The following PLCH1 variants were observed in gnomAD, a reference collection of about 807,000 sequenced individuals.
PLCH1 encodes the protein phospholipase C eta 1.
PLCH1 carries 60 observed loss-of-function variants against 126.7 expected under a neutral mutation model. The observed-to-expected ratio is 0.47, with a 90% CI of 0.38 to 0.59. The LOEUF is 0.59. PLCH1 is among the 20% of genes least tolerant of loss of function. The pLI is 0.00. For missense variants in PLCH1, 1,723 were observed against 2,040.0 expected, an observed-to-expected ratio of 0.84 and a Z score of 2.99; for synonymous variants, 719 against 734.9, an observed-to-expected ratio of 0.98 and a Z score of 0.35.
At chr3:155,678,363 C>A (rs928536431) in intron 2 of PLCH1, among the ~76,000 whole-genome samples, 2 of 152,160 alleles carry the variant, frequency 1.3e-5, no homozygotes, top group Non-Finnish European at 2.9e-5. Flanking sequence ...GAGCACATAG[C>A]AGCTTCATAG....
At chr3:155,472,419 A>C (rs1713310839) in intron 21 of PLCH1, among the ~76,000 whole-genome samples, 1 of 152,214 alleles carries the variant, frequency 6.6e-6, no homozygotes, top group Non-Finnish European at 1.5e-5. Flanking sequence ...CAGGAGCTCA[A>C]ATTGTGGCAA....
rs1816522 is a variant in PLCH1 at position 155,482,774 on chromosome 3, G to T, written c.3252C>A (p.Pro1084=). 0.069 allele frequency: 111,046 copies of T among 1,614,000 alleles called. 4,401 individuals are homozygous for T. Among genetic ancestry groups the T allele is most frequent in the Non-Finnish European group, 0.081 (95,255 of 1,179,976 alleles). The change falls in exon 23 of 23, where the codon CCC becomes CCA. Residue 1084 remains proline (P), a synonymous_variant. Coordinates refer to ENST00000460012, the MANE Select transcript of PLCH1 (RefSeq NM_014996.4). ...CTTGTGTGGGGTTAACTACAGGATC[G>T]GGAGCCAAATGCTGCTTTGGGGAGA... The part of the protein sequence containing the change: ...KSLSPKQHLA[P]DPVVNPTQDL...
chr3:155,671,818 T>A (rs1376628998), intron 2 of PLCH1, among the ~76,000 whole-genome samples: 1 of 152,126 alleles, frequency 6.6e-6, no homozygotes, highest in Non-Finnish European at 1.5e-5. Context: ...TAAGTGGCAG[T>A]GTAAGTGCAT....
At chr3:155,463,115 A>G (rs1712791537) in intron 21 of PLCH1, among the ~76,000 whole-genome samples, 1 of 151,816 alleles carries the variant, frequency 6.6e-6, no homozygotes, top group Non-Finnish European at 1.5e-5. Flanking sequence ...ATCCCTTTGT[A>G]TTTCCTCTCC....
intron 5 of PLCH1, among the ~76,000 whole-genome samples, chr3:155,584,103 G>A (rs764408826): frequency 5.9e-5 from 9 of 151,814 alleles, no homozygotes; most frequent in Admixed American, 2.0e-4. Flanking sequence ...AAAATTAAGC[G>A]AGGAAAATAA....
In PLCH1 at chr3:155,718,650, C is replaced by T. The variant is rs151043252; in HGVS notation, c.-40-14386G>A. Among the ~76,000 whole-genome samples, 284 of 152,014 alleles carry T rather than the reference C, an allele frequency of 1.9e-3. 1 individual carries two copies. The highest frequency in any genetic ancestry group is 3.4e-3 in the Middle Eastern group (1 of 294). The stretch of plus-strand genomic sequence containing the variant: ...AGAAACAGGAGCAAGAGGGTGAGTG[C>T]GGGGGGGAGGTGCCACAATTTACAA... On this transcript the variant is annotated intron_variant, in intron 1 of 22. Transcript: ENST00000460012.
At chr3:155,462,577 TACA>T (rs1329790520) in intron 21 of PLCH1, among the ~76,000 whole-genome samples, 1 of 152,182 alleles carries the variant, frequency 6.6e-6, no homozygotes, top group Non-Finnish European at 1.5e-5. Flanking sequence ...CTTGTTCTCG[TACA>T]ACATTTGGTA....
At chr3:155,664,316 G>T (rs940031754) in intron 2 of PLCH1, among the ~76,000 whole-genome samples, 3 of 152,188 alleles carry the variant, frequency 2.0e-5, no homozygotes, top group Non-Finnish European at 4.4e-5. Context: ...GAACTATAGG[G>T]CTCTAAAAAG....
chr3:155,524,119 A>G, intron 10 of PLCH1, 115 bp from the exon 11 acceptor site: 1 of 715,502 alleles, frequency 1.4e-6, no homozygotes, highest in Middle Eastern at 2.3e-4. Flanking sequence ...ACGTGTATGT[A>G]CATACAATGG....
intron 10 of PLCH1, among the ~76,000 whole-genome samples, chr3:155,548,827 A>C (rs1725735413): frequency 6.6e-6 from 1 of 152,232 alleles, no homozygotes; most frequent in Admixed American, 6.5e-5. Flanking sequence ...AATTTTATTT[A>C]ATTGGTAGAA....
chr3:155,726,670 A>G (rs953785575), intron 1 of PLCH1, among the ~76,000 whole-genome samples: 1 of 150,196 alleles, frequency 6.7e-6, no homozygotes, highest in African/African-American at 2.4e-5. Flanking sequence ...CTTTTTCTGT[A>G]GCAATAATTA....
intron 10 of PLCH1, among the ~76,000 whole-genome samples, chr3:155,549,495 C>T (rs938454628): frequency 2.6e-5 from 4 of 152,190 alleles, no homozygotes; most frequent in Admixed American, 2.0e-4. Flanking sequence ...CCTACACACA[C>T]ATTTCTCTCT....
intron 2 of PLCH1, among the ~76,000 whole-genome samples, chr3:155,623,683 T>C (rs1163755534): frequency 6.6e-6 from 1 of 152,112 alleles, no homozygotes; most frequent in African/African-American, 2.4e-5. Flanking sequence ...CCAGGACACA[T>C]ACACCCTCAC....
chr3:155,575,925 G>A (rs1729885262), intron 6 of PLCH1, among the ~76,000 whole-genome samples: 1 of 152,090 alleles, frequency 6.6e-6, no homozygotes, highest in African/African-American at 2.4e-5. Flanking sequence ...GGATTACAGG[G>A]GCAAACCACT....
chr3:155,650,365 G>A (rs1740577643), intron 2 of PLCH1, among the ~76,000 whole-genome samples: 3 of 152,112 alleles, frequency 2.0e-5, no homozygotes, highest in Admixed American at 6.5e-5. Context: ...ATCTAATAGT[G>A]TCATAAACAA....
At chr3:155,552,494 C>T (rs1726279437) in intron 9 of PLCH1, among the ~76,000 whole-genome samples, 1 of 152,068 alleles carries the variant, frequency 6.6e-6, no homozygotes, top group African/African-American at 2.4e-5. Flanking sequence ...CTTAAACGGC[C>T]TTGTAGAATA....
At chr3:155,625,088 G>A (rs772169029) in intron 2 of PLCH1, among the ~76,000 whole-genome samples, 10 of 151,966 alleles carry the variant, frequency 6.6e-5, no homozygotes, top group East Asian at 1.9e-4. Flanking sequence ...AAATAACACC[G>A]CATATCTACA....
At chr3:155,576,572 T>C (rs1430223211) in intron 6 of PLCH1, among the ~76,000 whole-genome samples, 3 of 152,222 alleles carry the variant, frequency 2.0e-5, no homozygotes, top group Admixed American at 6.5e-5. Flanking sequence ...TGACAGCATA[T>C]GTGGCCAGCA....
chr3:155,622,908 C>T (rs968436131), intron 2 of PLCH1, among the ~76,000 whole-genome samples: 2 of 152,154 alleles, frequency 1.3e-5, no homozygotes, highest in African/African-American at 4.8e-5. Flanking sequence ...CTGGAACCAG[C>T]AGACCTAATA....
Sources: allele counts gnomAD v4.1 joint callset (sites outside exome capture counted in the v4.1 genomes callset), GRCh38; gene constraint gnomAD v4.1.1; transcripts MANE v1.5; gene names NCBI Gene and HGNC (gene_info 2026-07-23, HGNC 2026-07-21).